E2F3: variants seen among roughly 807,000 people sequenced by gnomAD.
E2F3 encodes E2F transcription factor 3.
E2F3 carries 11 observed loss-of-function variants against 44.4 expected under a neutral mutation model. The ratio of observed to expected loss-of-function variants is 0.25; its 90% CI spans 0.16 to 0.41. E2F3 has a LOEUF of 0.41. Ranked by LOEUF, E2F3 falls within the 10% of genes least tolerant of loss-of-function variation. The pLI, the probability that E2F3 is intolerant of heterozygous loss-of-function variation, is 1.00. For missense variants in E2F3, 487 were observed against 583.6 expected, an observed-to-expected ratio of 0.83 and a Z score of 1.70; for synonymous variants, 249 against 253.0, an observed-to-expected ratio of 0.98 and a Z score of 0.15.
Position 20,424,508 on chromosome 6 carries a change from T to A in E2F3, c.393+21883T>A, listed in dbSNP as rs140182458. ...CTCCATTGATACCTTTATCCCTTTG[T>A]AAAGAAGCAGCACACTGTTTTGAAT... is the stretch of plus-strand genomic sequence containing the variant. On this transcript the variant is annotated intron_variant, in intron 1 of 6. Transcript: ENST00000346618. Among the ~76,000 whole-genome samples the A allele has an allele frequency of 7.9e-5, 12 of 152,244 alleles. No homozygotes were observed. The East Asian group carries it at 2.3e-3, about 29-fold the overall frequency.
intron 1 of E2F3, among the ~76,000 whole-genome samples, chr6:20,409,907 G>A (rs1759615538): frequency 6.8e-6 from 1 of 147,174 alleles, no homozygotes; most frequent in African/African-American, 2.5e-5. Flanking sequence ...AACAGCCAGT[G>A]AGCATTAAGT....
At chr6:20,468,149 A>G (rs1184168782) in intron 1 of E2F3, among the ~76,000 whole-genome samples, 1 of 152,228 alleles carries the variant, frequency 6.6e-6, no homozygotes, top group East Asian at 1.9e-4. Flanking sequence ...AGCGGACACT[A>G]GCTGGGCGTC....
At chr6:20,419,678 G>C (rs575522797) in intron 1 of E2F3, among the ~76,000 whole-genome samples, 2 of 150,610 alleles carry the variant, frequency 1.3e-5, no homozygotes, top group African/African-American at 4.9e-5. Context: ...CAATTCTCCT[G>C]CCTCAGCCTC....
chr6:20,455,537 C>T (rs1761281145), intron 1 of E2F3, among the ~76,000 whole-genome samples: 1 of 152,172 alleles, frequency 6.6e-6, no homozygotes, highest in African/African-American at 2.4e-5. Flanking sequence ...CAGAACTTGA[C>T]GATTCATCAT....
At position 20,431,987 on chromosome 6, in the gene E2F3, G is replaced by A. The variant is rs138486096; in HGVS notation, c.393+29362G>A. Among the ~76,000 whole-genome samples, 431 of 152,282 alleles carry A rather than the reference G, an allele frequency of 2.8e-3. 2 individuals are homozygous for A. Among genetic ancestry groups the A allele is most frequent in the Non-Finnish European group, 4.7e-3 (318 of 68,020 alleles). ...TCGTCCCTCTGTCATAAGCTCACCGGGTGTCTTTTCCTTCAGATTGGATTT... is the reference window on the plus strand; with the variant it reads ...TCGTCCCTCTGTCATAAGCTCACCGAGTGTCTTTTCCTTCAGATTGGATTT... On this transcript the variant is annotated intron_variant, in intron 1 of 6. Coordinates refer to ENST00000346618, the MANE Select transcript of E2F3 (RefSeq NM_001949.5).
intron 1 of E2F3, among the ~76,000 whole-genome samples, chr6:20,437,208 A>G (rs1253059219): frequency 1.3e-5 from 2 of 152,260 alleles, no homozygotes; most frequent in African/African-American, 4.8e-5. Flanking sequence ...AGCTTATAAG[A>G]AACTTCAAAG....
At chr6:20,444,726 CG>C (rs1295924472) in intron 1 of E2F3, among the ~76,000 whole-genome samples, 1 of 151,566 alleles carries the variant, frequency 6.6e-6, no homozygotes, top group Non-Finnish European at 1.5e-5. Flanking sequence ...AAAAACCAGA[CG>C]AAAAAAACAC....
rs191272088 is a variant in E2F3, at chr6:20,406,196, G to A, written c.393+3571G>A. 1.2e-3 allele frequency among the ~76,000 whole-genome samples: 180 copies of A among 152,234 alleles called. 1 individual carries two copies. The highest frequency in any genetic ancestry group is 3.9e-3 in the African/African-American group (160 of 41,536). On this transcript the variant is annotated intron_variant, in intron 1 of 6. Transcript: ENST00000346618. ...TTTTTTTCAATGGGGGTAAAAATAT[G>A]AGTACTACCTTACCAGCTGTAAAGC...
chr6:20,414,551 C>G (rs1759780918), intron 1 of E2F3, among the ~76,000 whole-genome samples: 1 of 151,962 alleles, frequency 6.6e-6, no homozygotes, highest in South Asian at 2.1e-4. Flanking sequence ...TTGAATACTC[C>G]TGTCTAGGAA....
intron 1 of E2F3, among the ~76,000 whole-genome samples, chr6:20,427,047 T>C (rs796110139): frequency 3.9e-5 from 6 of 152,290 alleles, no homozygotes; most frequent in African/African-American, 1.4e-4. Context: ...AATGGGGTAA[T>C]ATATGTGTAA....
Position 20,441,718 on chromosome 6 carries a change from G to A in E2F3, c.394-38128G>A, listed in dbSNP as rs866071212. ...ACCTCCTAAGTAGCTGAGATCACGC[G>A]TGGGTAATTTTTTTTTTTTTTTTTT... is the stretch of plus-strand genomic sequence containing the variant. On this transcript the variant is annotated intron_variant, in intron 1 of 6. Coordinates refer to ENST00000346618, the MANE Select transcript of E2F3 (RefSeq NM_001949.5). 5.7e-5 allele frequency among the ~76,000 whole-genome samples: 8 copies of A among 140,262 alleles called. No individual in the cohort carries two copies. The East Asian group carries it at 1.2e-3, about 22-fold the overall frequency. 92.0% of individuals were successfully genotyped at this position (140,262 alleles called of 152,430 possible).
At chr6:20,422,420 C>T (rs1222984675) in intron 1 of E2F3, among the ~76,000 whole-genome samples, 1 of 152,184 alleles carries the variant, frequency 6.6e-6, no homozygotes, top group African/African-American at 2.4e-5. Flanking sequence ...CTGTTTTGTT[C>T]TCGTGTCATT....
At chr6:20,424,241 GT>G (rs1760129923) in intron 1 of E2F3, among the ~76,000 whole-genome samples, 1 of 151,208 alleles carries the variant, frequency 6.6e-6, no homozygotes, top group African/African-American at 2.4e-5. Context: ...GTGTGTGTGT[GT>G]GTGTGTGTTT....
chr6:20,459,458 T>C (rs1043618124), intron 1 of E2F3, among the ~76,000 whole-genome samples: 1 of 152,220 alleles, frequency 6.6e-6, no homozygotes, highest in Non-Finnish European at 1.5e-5. Flanking sequence ...GTTACCACTA[T>C]ATTATGTTTA....
chr6:20,475,832 T>A (rs1006562734), intron 1 of E2F3, among the ~76,000 whole-genome samples: 5 of 152,180 alleles, frequency 3.3e-5, no homozygotes, highest in Admixed American at 6.5e-5. Flanking sequence ...TACAGCTCTA[T>A]GTCTCCTTAG....
At chr6:20,487,755 T>C (rs1325732122) in intron 5 of E2F3, among the ~76,000 whole-genome samples, 1 of 152,216 alleles carries the variant, frequency 6.6e-6, no homozygotes, top group Non-Finnish European at 1.5e-5. Context: ...GCCAGGTAGA[T>C]AGTAAATATT....
Position 20,482,933 on chromosome 6 carries a change from C to G in E2F3, c.884+13C>G. The G allele has an allele frequency of 6.2e-7, 1 of 1,612,818 alleles. No homozygotes were observed. The highest frequency in any genetic ancestry group is 2.2e-5 in the East Asian group (1 of 44,818). ...CAGAGAATCAAAGATATCCTTTGTG[C>G]CGCCAGTTCTCTGGGGGTTAGTGCT... On this transcript the variant is annotated intron_variant, in intron 4 of 6. Coordinates refer to ENST00000346618, the MANE Select transcript of E2F3 (RefSeq NM_001949.5).
At position 20,401,977 on chromosome 6, in the gene E2F3, C is replaced by A; in HGVS notation, c.-256C>A. On this transcript the variant is annotated 5_prime_UTR_variant, in exon 1 of 7. Transcript: ENST00000346618. ...CTCGCAATCCGTTGCATCGGCCGCC[C>A]CCGACGCCTCCATCCCCGCTTGGGG... The A allele has an allele frequency of 2.1e-6, 1 of 470,158 alleles. No homozygotes were observed. Among genetic ancestry groups the A allele is most frequent in the East Asian group, 3.9e-5 (1 of 25,498 alleles). 29.1% of individuals were successfully genotyped at this position (470,158 alleles called of 1,614,324 possible).
At position 20,402,445 on chromosome 6, in the gene E2F3, C is replaced by T. The variant is rs912748636; in HGVS notation, c.213C>T (p.Ser71=). Residue 71 remains serine, a synonymous_variant, in exon 1 of 7, where the codon TCC becomes TCT. Coordinates refer to ENST00000346618, the MANE Select transcript of E2F3 (RefSeq NM_001949.5). This position sits in a 1 kb window ranked among gnomAD's most constrained non-coding sequence, Gnocchi z 5.6. ...LTTNTSTTSC[S]SSLQSGAVAA... is the part of the protein sequence containing the mutation. ...CGAACACTTCCACCACCTCCTGTTC[C>T]TCCTCCCTCCAAAGCGGCGCCGTAG... 3.1e-6 allele frequency: 5 copies of T among 1,610,872 alleles called. No homozygotes were observed. Among genetic ancestry groups the T allele is most frequent in the Middle Eastern group, 1.7e-4 (1 of 6,048 alleles).
Sources: gnomAD v4.1 joint callset for allele counts (sites outside exome capture counted in the v4.1 genomes callset) on GRCh38, gnomAD v4.1.1 for gene constraint, Gnocchi (gnomAD v3.1) non-coding constraint, MANE v1.5 for transcripts, NCBI Gene and HGNC (gene_info 2026-07-23, HGNC 2026-07-21) for gene names.